Variants in GABRG3 observed in about 807,000 individuals in gnomAD.
The protein encoded by GABRG3 is gamma-aminobutyric acid type A receptor subunit gamma3, also known as gamma-aminobutyric acid receptor subunit gamma-3.
In GABRG3, 25 loss-of-function variants were observed where a neutral mutation model predicts 48.8. The ratio of observed to expected loss-of-function variants is 0.51; its 90% CI spans 0.37 to 0.72. The LOEUF (loss-of-function observed/expected upper bound fraction) is 0.72, where lower values mean the gene tolerates loss of function less well. Among genes scored for constraint, GABRG3 ranks in the 30% least tolerant of loss-of-function variants. The pLI is 0.00. For synonymous variants in GABRG3, 227 were observed against 217.6 expected, an observed-to-expected ratio of 1.04 and a Z score of -0.38; for missense variants, 394 against 577.9, an observed-to-expected ratio of 0.68 and a Z score of 3.26.
chr15:27,046,275 T>G (rs201326744), intron 3 of GABRG3, among the ~76,000 whole-genome samples: 25,766 of 151,398 alleles, frequency 0.17, 3,282 homozygotes, highest in African/African-American at 0.35. Flanking sequence ...TTTTTTTTTT[T>G]TGTATTTTTA....
chr15:27,271,348 G>A (rs754678914), intron 3 of GABRG3, among the ~76,000 whole-genome samples: 3 of 152,300 alleles, frequency 2.0e-5, no homozygotes, highest in South Asian at 2.1e-4. Flanking sequence ...GGTGCCTCTC[G>A]CTGCCACCCG....
intron 5 of GABRG3, among the ~76,000 whole-genome samples, chr15:27,389,127 T>C (rs1832052701): frequency 6.6e-6 from 1 of 152,180 alleles, no homozygotes; most frequent in Non-Finnish European, 1.5e-5. Context: ...GTGTATATAA[T>C]GTAAATGGGA....
chr15:27,281,810 C>T (rs925120118), intron 3 of GABRG3, among the ~76,000 whole-genome samples: 1 of 151,606 alleles, frequency 6.6e-6, no homozygotes, highest in Non-Finnish European at 1.5e-5. Context: ...AAATAATAAT[C>T]TATTATATTT....
At chr15:27,421,233 T>A (rs1014436839) in intron 5 of GABRG3, among the ~76,000 whole-genome samples, 95 of 152,324 alleles carry the variant, frequency 6.2e-4, no homozygotes, top group Non-Finnish European at 9.7e-4. Flanking sequence ...TTGAATTAGC[T>A]TTGAGGACAG....
At chr15:26,989,026 G>T (rs4887534) in intron 2 of GABRG3, among the ~76,000 whole-genome samples, 5 of 151,962 alleles carry the variant, frequency 3.3e-5, no homozygotes, top group African/African-American at 1.2e-4. Flanking sequence ...ATCTTCATCT[G>T]TGCAAAAAGG....
intron 3 of GABRG3, among the ~76,000 whole-genome samples, chr15:27,162,681 G>A (rs943043599): frequency 6.6e-6 from 1 of 152,080 alleles, no homozygotes; most frequent in Non-Finnish European, 1.5e-5. Context: ...CCAGAGACTG[G>A]ACTGGGCCTG....
intron 3 of GABRG3, among the ~76,000 whole-genome samples, chr15:27,157,280 T>C (rs1290432433): frequency 6.6e-6 from 1 of 152,214 alleles, no homozygotes; most frequent in East Asian, 1.9e-4. Context: ...AACAAATCCT[T>C]AGGGCACTGG....
intron 3 of GABRG3, among the ~76,000 whole-genome samples, chr15:27,274,084 G>A (rs2168151): frequency 0.59 from 89,034 of 151,980 alleles, 26,786 homozygotes; most frequent in Non-Finnish European, 0.65. Context: ...TGACAACATG[G>A]CGGTCATGAT....
At chr15:27,500,543 A>C (rs1237398376) in intron 6 of GABRG3, among the ~76,000 whole-genome samples, 1 of 152,248 alleles carries the variant, frequency 6.6e-6, no homozygotes, top group African/African-American at 2.4e-5. Context: ...AAGGCCCAGC[A>C]CCAGCCAGAC....
chr15:27,460,086 C>T (rs34770800), intron 5 of GABRG3, among the ~76,000 whole-genome samples: 58,297 of 152,010 alleles, frequency 0.38, 14,676 homozygotes, highest in African/African-American at 0.7. Context: ...TTCCTGAAGA[C>T]TGAGTTTACC....
Position 27,352,641 on chromosome 15 carries a change from G to GC in GABRG3, c.574+23758dup, listed in dbSNP as rs1417947691. Among the ~76,000 whole-genome samples, 3 of 152,068 alleles carry GC rather than the reference G, an allele frequency of 2.0e-5. No homozygotes were observed. Among genetic ancestry groups the GC allele is most frequent in the Non-Finnish European group, 2.9e-5 (2 of 68,010 alleles). On this transcript the variant is annotated intron_variant, in intron 5 of 9. Transcript: ENST00000615808. This position sits in a 1 kb window ranked among gnomAD's most constrained non-coding sequence, Gnocchi z 4.0. Reference sequence around the variant, plus strand: ...TGCCCCGGGGAGGCAGGCCAAGGAAGCCCCCTGCCAAGGCAGCAGCCACAT... The same window carrying GC: ...TGCCCCGGGGAGGCAGGCCAAGGAAGCCCCCCTGCCAAGGCAGCAGCCACAT...
intron 3 of GABRG3, among the ~76,000 whole-genome samples, chr15:27,218,256 A>G (rs1371880345): frequency 1.3e-5 from 2 of 152,092 alleles, no homozygotes; most frequent in Non-Finnish European, 2.9e-5. Flanking sequence ...TCAGCCTCCC[A>G]AAGTGTTAAG....
At chr15:27,441,858 C>G (rs1888796578) in intron 5 of GABRG3, among the ~76,000 whole-genome samples, 1 of 152,164 alleles carries the variant, frequency 6.6e-6, no homozygotes, top group Admixed American at 6.5e-5. Flanking sequence ...GGCTTGGCAA[C>G]CACTGGATTA....
intron 3 of GABRG3, among the ~76,000 whole-genome samples, chr15:27,307,184 C>G (rs1045454471): frequency 7.5e-6 from 1 of 133,618 alleles, no homozygotes; most frequent in Non-Finnish European, 1.6e-5. Context: ...AATATATAAA[C>G]ATGTTTATAT....
intron 3 of GABRG3, among the ~76,000 whole-genome samples, chr15:27,161,638 A>C (rs896299406): frequency 6.6e-6 from 1 of 152,132 alleles, no homozygotes; most frequent in Non-Finnish European, 1.5e-5. Context: ...TTTTCTTAAA[A>C]TTTGAATACT....
At chr15:27,481,526 C>G (rs558002759) in intron 6 of GABRG3, among the ~76,000 whole-genome samples, 2 of 152,050 alleles carry the variant, frequency 1.3e-5, no homozygotes, top group East Asian at 3.9e-4. Flanking sequence ...TTTGTTGGGT[C>G]TTCAAATTAT....
At chr15:27,037,121 C>A (rs1896192588) in intron 3 of GABRG3, among the ~76,000 whole-genome samples, 1 of 152,172 alleles carries the variant, frequency 6.6e-6, no homozygotes, top group African/African-American at 2.4e-5. Context: ...AGCCCTGGAG[C>A]AGCTTCTCCC....
intron 3 of GABRG3, among the ~76,000 whole-genome samples, chr15:27,030,380 T>G (rs1472181539): frequency 6.6e-6 from 1 of 152,130 alleles, no homozygotes. Flanking sequence ...TTCTGTGGAG[T>G]GGAAATGAAG....
At chr15:27,460,163 A>C (rs1289385792) in intron 5 of GABRG3, among the ~76,000 whole-genome samples, 1 of 152,260 alleles carries the variant, frequency 6.6e-6, no homozygotes, top group Non-Finnish European at 1.5e-5. Context: ...CCTCAAATAC[A>C]TCACAGTTGT....
Sources: allele counts gnomAD v4.1 joint callset (sites outside exome capture counted in the v4.1 genomes callset), GRCh38; gene constraint gnomAD v4.1.1; non-coding constraint Gnocchi (gnomAD v3.1); transcripts MANE v1.5; gene names NCBI Gene and HGNC (gene_info 2026-07-23, HGNC 2026-07-21).